CHD9: variants seen among roughly 807,000 people sequenced by gnomAD.
CHD9 encodes the protein ATP-dependent chromatin remodeler CHD9.
Under a neutral mutation model 316.1 loss-of-function variants are expected in CHD9, and 77 were observed. The ratio of observed to expected loss-of-function variants is 0.24; its 90% CI spans 0.20 to 0.29. The LOEUF (loss-of-function observed/expected upper bound fraction) is 0.29. Among genes scored for constraint, CHD9 ranks in the 10% least tolerant of loss-of-function variants. The pLI is 1.00. For missense variants in CHD9, 2,763 were observed against 3,438.1 expected (o/e 0.80, Z 4.91); for synonymous variants, 1,129 against 1,158.3 (o/e 0.97, Z 0.51).
chr16:53,140,559 C>T (rs990176853), intron 1 of CHD9, among the ~76,000 whole-genome samples: 8 of 152,082 alleles, frequency 5.3e-5, no homozygotes, highest in Non-Finnish European at 2.9e-5. Flanking sequence ...AAATTCGTTA[C>T]CCTCAATCAG....
At chr16:53,273,540 C>A in intron 22 of CHD9, 86 bp from the exon 23 acceptor site, 3 of 989,916 alleles carry the variant, frequency 3.0e-6, no homozygotes, top group African/African-American at 1.6e-5. Context: ...CAGAAAGTCT[C>A]CAGAAATTTC....
chr16:53,099,594 C>G (rs563473989), intron 1 of CHD9, among the ~76,000 whole-genome samples: 110 of 152,274 alleles, frequency 7.2e-4, no homozygotes, highest in Middle Eastern at 3.4e-3. Context: ...CTGCTTTCTC[C>G]TTCCTCCCCT....
At chr16:53,104,703 T>A (rs1215025428) in intron 1 of CHD9, among the ~76,000 whole-genome samples, 1 of 151,480 alleles carries the variant, frequency 6.6e-6, no homozygotes, top group African/African-American at 2.4e-5. Context: ...TCCCAGCTAC[T>A]CGGGAGGCTG....
intron 3 of CHD9, among the ~76,000 whole-genome samples, chr16:53,219,364 A>G (rs1381848469): frequency 2.0e-5 from 3 of 152,210 alleles, no homozygotes; most frequent in Non-Finnish European, 4.4e-5. Flanking sequence ...TCTAGGTAGT[A>G]GTTAAGAAAA....
rs185433795 is a variant in CHD9 at position 53,295,653 on chromosome 16, T to G, written c.5511-1303T>G. On this transcript the variant is annotated intron_variant, in intron 29 of 38. Coordinates refer to ENST00000447540, the MANE Select transcript of CHD9 (RefSeq NM_001308319.2). Reference sequence around the variant, plus strand: ...TTCAATTAATCGTTTTTCCCATTTTTATTCTTATTACCCAGATTTAATGAC... The same window carrying G: ...TTCAATTAATCGTTTTTCCCATTTTGATTCTTATTACCCAGATTTAATGAC... Among the ~76,000 whole-genome samples the G allele has an allele frequency of 2.3e-3, 344 of 152,336 alleles. 2 individuals carry two copies. Among genetic ancestry groups the G allele is most frequent in the African/African-American group, 8.0e-3 (331 of 41,572 alleles).
In CHD9 at chr16:53,245,942, T is replaced by A; in HGVS notation, c.3454+92T>A. On this transcript the variant is annotated intron_variant, in intron 15 of 38. Transcript: ENST00000447540. This position sits in a 1 kb window ranked among gnomAD's most constrained non-coding sequence, Gnocchi z 4.1. Reference sequence around the variant, plus strand: ...AACACACTACAGCTGTAGTGGCTGTTATGACTCTCCACTGTGATATTCTAA... The same window carrying A: ...AACACACTACAGCTGTAGTGGCTGTAATGACTCTCCACTGTGATATTCTAA... 1.1e-6 allele frequency: 1 copy of A among 871,968 alleles called. No individual in the cohort carries two copies. Among genetic ancestry groups the A allele is most frequent in the Non-Finnish European group, 1.6e-6 (1 of 614,554 alleles). 54.0% of individuals were successfully genotyped at this position (871,968 alleles called of 1,614,324 possible).
chr16:53,283,488 A>C (rs1461028618), intron 24 of CHD9, among the ~76,000 whole-genome samples: 1 of 151,978 alleles, frequency 6.6e-6, no homozygotes, highest in Non-Finnish European at 1.5e-5. Flanking sequence ...AAAACCTTCC[A>C]CCTCAGATGG....
Position 53,222,734 on chromosome 16 carries a change from A to G in CHD9, c.1875A>G (p.Thr625=). The G allele has an allele frequency of 3.2e-6, 5 of 1,548,508 alleles. No individual in the cohort carries two copies. The highest frequency in any genetic ancestry group is 2.6e-6 in the Non-Finnish European group (3 of 1,134,954). Residue 625 remains threonine, a synonymous_variant, in exon 4 of 39, where the codon ACA becomes ACG. Transcript: ENST00000447540. ...ISDAEQMPQH[T]LKDQDSQKRR... is the part of the protein sequence containing the mutation. ...ATGCAGAACAGATGCCACAGCATAC[A>G]TTAAAAGATCAAGACTCTCAAGTGA...
At chr16:53,129,500 G>T (rs1432679224) in intron 1 of CHD9, among the ~76,000 whole-genome samples, 1 of 152,204 alleles carries the variant, frequency 6.6e-6, no homozygotes, top group African/African-American at 2.4e-5. Context: ...GAGTTATGCT[G>T]ATCCACTCTG....
chr16:53,129,305 T>C (rs932875545), intron 1 of CHD9, among the ~76,000 whole-genome samples: 4 of 152,240 alleles, frequency 2.6e-5, no homozygotes, highest in Admixed American at 2.6e-4. Flanking sequence ...ACTCAACAAG[T>C]TGAATTTGCA....
In CHD9 at chr16:53,238,438, C is replaced by T; in HGVS notation, c.2729C>T (p.Pro910Leu). 6.2e-7 allele frequency: 1 copy of T among 1,613,106 alleles called. No individual in the cohort carries two copies. Among genetic ancestry groups the T allele is most frequent in the Non-Finnish European group, 8.5e-7 (1 of 1,179,350 alleles). ...YEILLTGIRG[P>L]FLIIAPLSTI... Reference sequence around the variant, plus strand: ...ATCCTTCTGACTGGTATAAGAGGACCTTTCCTGATTATTGCTCCACTTTCT... The same window carrying T: ...ATCCTTCTGACTGGTATAAGAGGACTTTTCCTGATTATTGCTCCACTTTCT... Residue 910 changes from proline (P) to leucine (L), a missense_variant, in exon 12 of 39, where the codon CCT becomes CTT. Pro to Leu is a moderately conservative substitution (Grantham distance 98). Transcript: ENST00000447540.
intron 2 of CHD9, among the ~76,000 whole-genome samples, chr16:53,191,030 C>G (rs1054666344): frequency 1.3e-5 from 2 of 152,046 alleles, no homozygotes; most frequent in Non-Finnish European, 2.9e-5. Context: ...ATTAGGTAAT[C>G]ATTACCGCAA....
At chr16:53,200,990 G>A (rs1300509052) in intron 2 of CHD9, among the ~76,000 whole-genome samples, 1 of 152,092 alleles carries the variant, frequency 6.6e-6, no homozygotes, top group Non-Finnish European at 1.5e-5. Context: ...GGTTTCACAA[G>A]AGCCCTATTA....
At chr16:53,133,222 A>G (rs1190858740) in intron 1 of CHD9, among the ~76,000 whole-genome samples, 1 of 152,212 alleles carries the variant, frequency 6.6e-6, no homozygotes, top group Non-Finnish European at 1.5e-5. Flanking sequence ...GCAACAACAA[A>G]AAACCCTTGT....
chr16:53,212,275 G>A (rs2046390649), intron 3 of CHD9, among the ~76,000 whole-genome samples: 1 of 151,316 alleles, frequency 6.6e-6, no homozygotes, highest in Non-Finnish European at 1.5e-5. Context: ...CGTGGTGGTG[G>A]GCACCTGTAG....
At chr16:53,295,365 G>A (rs1443558606) in intron 29 of CHD9, among the ~76,000 whole-genome samples, 1 of 152,154 alleles carries the variant, frequency 6.6e-6, no homozygotes, top group Admixed American at 6.5e-5. Flanking sequence ...GACCTCAAGT[G>A]GTCCGTCTGC....
chr16:53,296,364 CT>C (rs1321395772), intron 29 of CHD9, among the ~76,000 whole-genome samples: 1 of 150,982 alleles, frequency 6.6e-6, no homozygotes, highest in African/African-American at 2.4e-5. Flanking sequence ...ATAGTGTATA[CT>C]TTTAAAAGTA....
chr16:53,260,709 G>A lies in CHD9; in HGVS notation c.4210-2278G>A, dbSNP rs148649152. ...GCTGGTTCATTCTGGAAGCTTTAGGGGAGAATCTGTTTCTTATTTCTTCCA... is the reference window on the plus strand; with the variant it reads ...GCTGGTTCATTCTGGAAGCTTTAGGAGAGAATCTGTTTCTTATTTCTTCCA... On this transcript the variant is annotated intron_variant, in intron 19 of 38. Coordinates refer to ENST00000447540, the MANE Select transcript of CHD9 (RefSeq NM_001308319.2). 2.2e-3 allele frequency among the ~76,000 whole-genome samples: 341 copies of A among 152,178 alleles called. 3 individuals carry two copies. Among genetic ancestry groups the A allele is most frequent in the African/African-American group, 7.9e-3 (328 of 41,528 alleles).
At chr16:53,275,515 C>T (rs939346813) in intron 24 of CHD9, among the ~76,000 whole-genome samples, 63 of 152,144 alleles carry the variant, frequency 4.1e-4, no homozygotes, top group Admixed American at 3.9e-3. Context: ...GTAATAAATA[C>T]TTTTGTGTAT....
Sources: allele counts gnomAD v4.1 joint callset (sites outside exome capture counted in the v4.1 genomes callset), GRCh38; gene constraint gnomAD v4.1.1; non-coding constraint Gnocchi (gnomAD v3.1); transcripts MANE v1.5; gene names NCBI Gene and HGNC (gene_info 2026-07-23, HGNC 2026-07-21).